Variants in HERC3 observed in about 807,000 individuals in gnomAD.
HERC3 encodes the protein HECT and RLD domain containing E3 ubiquitin protein ligase 3.
A neutral mutation model predicts 129.9 loss-of-function variants in HERC3; 58 were observed. The ratio of observed to expected loss-of-function variants is 0.45; its 90% confidence interval spans 0.36 to 0.56. HERC3 has a LOEUF of 0.56. Among genes scored for constraint, HERC3 ranks in the 20% least tolerant of loss-of-function variants. The pLI, the probability that HERC3 is intolerant of heterozygous loss-of-function variation, is 0.00. For missense variants in HERC3, 835 were observed against 1,244.2 expected (o/e 0.67, Z 4.95); for synonymous variants, 430 against 451.0 (o/e 0.95, Z 0.59).
At chr4:88,536,237 TA>T in the HERC3 span, among the ~76,000 whole-genome samples, 2 of 152,214 alleles carry the variant, frequency 1.3e-5, no homozygotes, top group Non-Finnish European at 2.9e-5. Context: ...GTTGTCCCCA[TA>T]ATAGCCTGTT....
At chr4:88,563,819 C>T in the HERC3 span, among the ~76,000 whole-genome samples, 106 of 152,008 alleles carry the variant, frequency 7.0e-4, no homozygotes, top group Middle Eastern at 3.4e-3. Flanking sequence ...CCACCACGCC[C>T]GGCTAATTTT....
At chr4:88,541,986 A>T in the HERC3 span, among the ~76,000 whole-genome samples, 1 of 152,232 alleles carries the variant, frequency 6.6e-6, no homozygotes, top group African/African-American at 2.4e-5. Flanking sequence ...TGCCCACAGG[A>T]GAAAGCAGGA....
chr4:88,570,773 T>C, the HERC3 span, among the ~76,000 whole-genome samples: 1 of 151,652 alleles, frequency 6.6e-6, no homozygotes, highest in Non-Finnish European at 1.5e-5. Context: ...TTTATTTATT[T>C]ATTTATTTAT....
chr4:88,636,068 CATT>C (rs1203946889), intron 3 of HERC3, among the ~76,000 whole-genome samples: 1 of 152,142 alleles, frequency 6.6e-6, no homozygotes, highest in Admixed American at 6.5e-5. Context: ...AGACTAATGA[CATT>C]ATGAAGAAAC....
the HERC3 span, among the ~76,000 whole-genome samples, chr4:88,536,566 C>T: frequency 6.6e-6 from 1 of 152,088 alleles, no homozygotes; most frequent in Non-Finnish European, 1.5e-5. Context: ...GGTCACATAC[C>T]ATGTGTATTT....
the HERC3 span, among the ~76,000 whole-genome samples, chr4:88,558,071 CAAAAAAAAA>C: frequency 1.0e-4 from 4 of 39,156 alleles, no homozygotes; most frequent in African/African-American, 2.4e-4. Context: ...GACTCTGACT[CAAAAAAAAA>C]AAAAAAAAAA....
chr4:88,647,261 C>T (rs549719844), intron 3 of HERC3, among the ~76,000 whole-genome samples: 117 of 152,214 alleles, frequency 7.7e-4, no homozygotes, highest in African/African-American at 2.5e-3. Flanking sequence ...CAGATCAGAG[C>T]GACAGTATTC....
intron 3 of HERC3, among the ~76,000 whole-genome samples, chr4:88,616,662 ATC>A (rs1724932683): frequency 6.6e-6 from 1 of 151,914 alleles, no homozygotes; most frequent in African/African-American, 2.4e-5. Flanking sequence ...AACCTACATG[ATC>A]TCTGTTTTTG....
At chr4:88,580,088 A>T in the HERC3 span, among the ~76,000 whole-genome samples, 1 of 152,068 alleles carries the variant, frequency 6.6e-6, no homozygotes. Context: ...TACAGCAGCA[A>T]TAGGAAACCA....
At chr4:88,596,643 G>T (rs1342741668) in intron 2 of HERC3, among the ~76,000 whole-genome samples, 1 of 152,206 alleles carries the variant, frequency 6.6e-6, no homozygotes, top group Non-Finnish European at 1.5e-5. Flanking sequence ...CCTCAACAGC[G>T]CTTTGCATTT....
At chr4:88,525,027 TAAAAAAAACAGTTTA>T in the HERC3 span, 1 of 151,794 alleles carries the variant, frequency 6.6e-6, no homozygotes, top group African/African-American at 2.4e-5. Flanking sequence ...CTGTTTTTTT[TAAAAAAAACAGTTTA>T]TTTTTTGATG....
intron 8 of HERC3, among the ~76,000 whole-genome samples, chr4:88,655,602 G>C (rs542807731): frequency 1.3e-5 from 2 of 152,278 alleles, no homozygotes; most frequent in East Asian, 3.9e-4. Context: ...GGAAATTTTT[G>C]CCTGAGTCTA....
chr4:88,697,264 G>A, intron 23 of HERC3: 2 of 1,571,516 alleles, frequency 1.3e-6, no homozygotes, highest in Non-Finnish European at 1.7e-6. Context: ...GGCCCCCGCG[G>A]CAGCCTCTGC....
intron 3 of HERC3, among the ~76,000 whole-genome samples, chr4:88,636,896 G>A (rs921896170): frequency 2.6e-5 from 4 of 152,208 alleles, no homozygotes; most frequent in African/African-American, 9.6e-5. Context: ...AGTACTTTGT[G>A]AGGCCGAGGT....
the HERC3 span, among the ~76,000 whole-genome samples, chr4:88,568,672 G>C: frequency 6.6e-6 from 1 of 152,046 alleles, no homozygotes; most frequent in East Asian, 1.9e-4. Flanking sequence ...TCTTTAGTCA[G>C]CAGGTGATGA....
At chr4:88,633,313 T>C (rs1726979695) in intron 3 of HERC3, among the ~76,000 whole-genome samples, 1 of 152,190 alleles carries the variant, frequency 6.6e-6, no homozygotes, top group Non-Finnish European at 1.5e-5. Context: ...AAATAGCAGA[T>C]TTATCTGGGA....
At chr4:88,552,911 A>C in the HERC3 span, among the ~76,000 whole-genome samples, 1 of 152,102 alleles carries the variant, frequency 6.6e-6, no homozygotes, top group Admixed American at 6.6e-5. Context: ...CCCTCCAACC[A>C]CATTTATTGG....
chr4:88,529,413 C>A, the HERC3 span, among the ~76,000 whole-genome samples: 2 of 152,262 alleles, frequency 1.3e-5, no homozygotes, highest in East Asian at 1.9e-4. Flanking sequence ...GGTATGATGG[C>A]ACCACTGCAC....
the HERC3 span, among the ~76,000 whole-genome samples, chr4:88,572,613 A>C: frequency 2.0e-5 from 3 of 151,026 alleles, no homozygotes; most frequent in African/African-American, 7.3e-5. Flanking sequence ...GATTGAGACC[A>C]TCCTGGCCAA....
Sources: allele counts gnomAD v4.1 joint callset (sites outside exome capture counted in the v4.1 genomes callset), GRCh38; gene constraint gnomAD v4.1.1; transcripts MANE v1.5; gene names NCBI Gene and HGNC (gene_info 2026-07-23, HGNC 2026-07-21).